Variants in FGD5 observed in about 807,000 individuals in gnomAD.
FGD5 encodes the protein FYVE, RhoGEF and PH domain-containing protein 5.
A neutral mutation model predicts 133.4 loss-of-function variants in FGD5; 28 were observed. That is an observed-to-expected ratio of 0.21 (90% CI 0.16 to 0.29). FGD5 has a LOEUF of 0.29. FGD5 is among the 10% of genes least tolerant of loss of function. FGD5 has a pLI of 1.00. For synonymous variants in FGD5, 810 were observed against 776.5 expected (o/e 1.04, Z -0.72); for missense variants, 1,858 against 1,895.2 (o/e 0.98, Z 0.36).
intron 1 of FGD5, among the ~76,000 whole-genome samples, chr3:14,854,746 A>G (rs1333414228): frequency 1.3e-5 from 2 of 152,166 alleles, no homozygotes; most frequent in Non-Finnish European, 2.9e-5. Context: ...ATTGACAAAT[A>G]ATAATTGTAC....
At chr3:14,912,219 G>A (rs1315352345) in intron 11 of FGD5, among the ~76,000 whole-genome samples, 2 of 152,228 alleles carry the variant, frequency 1.3e-5, no homozygotes, top group African/African-American at 4.8e-5. Flanking sequence ...GGGCAGAAGT[G>A]TGGAGCCTGC....
At chr3:14,924,920 T>G (rs1170617417) in intron 17 of FGD5, among the ~76,000 whole-genome samples, 1 of 151,778 alleles carries the variant, frequency 6.6e-6, no homozygotes, top group Non-Finnish European at 1.5e-5. Context: ...GCTAACACAG[T>G]GAAACCCCAT....
At chr3:14,865,963 C>G (rs1006503825) in intron 2 of FGD5, among the ~76,000 whole-genome samples, 3 of 152,130 alleles carry the variant, frequency 2.0e-5, no homozygotes, top group African/African-American at 7.2e-5. Context: ...AATCTGGGAG[C>G]AGAAAGAGAT....
At chr3:14,907,554 CAG>C in intron 9 of FGD5, 84 bp from the exon 10 acceptor site, 1 of 1,266,792 alleles carries the variant, frequency 7.9e-7, no homozygotes, top group Non-Finnish European at 1.1e-6. Context: ...TTGTCTGAAA[CAG>C]AAGCAACGCC....
At chr3:14,881,461 A>C (rs1388939172) in intron 4 of FGD5, among the ~76,000 whole-genome samples, 1 of 152,200 alleles carries the variant, frequency 6.6e-6, no homozygotes, top group Non-Finnish European at 1.5e-5. Context: ...CTGTCTGGCC[A>C]GCAAAGGGGA....
chr3:14,848,225 G>T (rs2037088455), intron 1 of FGD5, among the ~76,000 whole-genome samples: 1 of 152,152 alleles, frequency 6.6e-6, no homozygotes, highest in Non-Finnish European at 1.5e-5. Flanking sequence ...TTTCGTTGTT[G>T]TGGGAGGCAA....
At chr3:14,906,407 C>G (rs2038342554) in intron 9 of FGD5, among the ~76,000 whole-genome samples, 1 of 152,186 alleles carries the variant, frequency 6.6e-6, no homozygotes, top group African/African-American at 2.4e-5. Flanking sequence ...CGCCCCCGTC[C>G]TAGGGTGCAG....
chr3:14,848,271 C>A (rs1687296), intron 1 of FGD5, among the ~76,000 whole-genome samples: 1 of 151,928 alleles, frequency 6.6e-6, no homozygotes, highest in Non-Finnish European at 1.5e-5. Context: ...CCCTTCCCCG[C>A]GCCTCTTCCC....
At chr3:14,821,684 C>G (rs537865102) in intron 1 of FGD5, 88 bp downstream of exon 1, 7 of 1,435,492 alleles carry the variant, frequency 4.9e-6, no homozygotes, top group Non-Finnish European at 6.4e-6. Context: ...GACTTGCTTT[C>G]CAGCCTCAGG....
chr3:14,871,475 A>G (rs2037605019), intron 2 of FGD5, among the ~76,000 whole-genome samples: 1 of 152,302 alleles, frequency 6.6e-6, no homozygotes, highest in East Asian at 1.9e-4. Flanking sequence ...TGGGAGTCCA[A>G]CCTGCATTTT....
chr3:14,853,456 C>T (rs764544373), intron 1 of FGD5, among the ~76,000 whole-genome samples: 8 of 151,766 alleles, frequency 5.3e-5, no homozygotes, highest in Non-Finnish European at 7.4e-5. Flanking sequence ...AGCTCAGCCC[C>T]GAAGCCCCCT....
chr3:14,826,140 G>T lies in FGD5; in HGVS notation c.2525+4544G>T, dbSNP rs369281008. On this transcript the variant is annotated intron_variant, in intron 1 of 19. Transcript: ENST00000285046. Reference sequence around the variant, plus strand: ...TGAGGCCACTTTTCCCCAACATTTTGTTATGAAAATGTTCAAAAAGTTAAG... The same window carrying T: ...TGAGGCCACTTTTCCCCAACATTTTTTTATGAAAATGTTCAAAAAGTTAAG... Among the ~76,000 whole-genome samples, 5 of 151,996 alleles carry T rather than the reference G, an allele frequency of 3.3e-5. No individual in the cohort carries two copies. In the East Asian group the frequency reaches 5.8e-4, roughly 18 times the overall value.
At chr3:14,888,377 C>G (rs2037964030) in intron 4 of FGD5, among the ~76,000 whole-genome samples, 1 of 152,174 alleles carries the variant, frequency 6.6e-6, no homozygotes, top group African/African-American at 2.4e-5. Context: ...CGTGAATAGT[C>G]TGACAATGCA....
chr3:14,839,168 GGCT>G (rs1244528467), intron 1 of FGD5, among the ~76,000 whole-genome samples: 1 of 152,244 alleles, frequency 6.6e-6, no homozygotes, highest in African/African-American at 2.4e-5. Context: ...GAAATGCACA[GGCT>G]TCTGGGGACA....
In FGD5 at chr3:14,874,873, G is replaced by A. The variant is rs183059622; in HGVS notation, c.2659-5699G>A. 1.8e-3 allele frequency among the ~76,000 whole-genome samples: 281 copies of A among 152,328 alleles called. 1 individual carries two copies. Among genetic ancestry groups the A allele is most frequent in the Middle Eastern group, 3.4e-3 (1 of 294 alleles). ...GAACTGGACTAGTCAGCATGATCTGGAAACTGACCAGCTGGTCCTGGGGAA... is the reference window on the plus strand; with the variant it reads ...GAACTGGACTAGTCAGCATGATCTGAAAACTGACCAGCTGGTCCTGGGGAA... On this transcript the variant is annotated intron_variant, in intron 2 of 19. Transcript: ENST00000285046.
chr3:14,909,852 G>A (rs978053098), intron 10 of FGD5, among the ~76,000 whole-genome samples: 1 of 148,406 alleles, frequency 6.7e-6, no homozygotes. Flanking sequence ...TGCAACCTCC[G>A]CCTCCTGGGT....
intron 1 of FGD5, among the ~76,000 whole-genome samples, chr3:14,848,260 G>GCCCTT (rs1191147784): frequency 1.3e-5 from 2 of 152,068 alleles, no homozygotes; most frequent in African/African-American, 4.8e-5. Context: ...GGGCAGCCCT[G>GCCCTT]CCCTTCCCCG....
At chr3:14,846,113 A>C (rs570111308) in intron 1 of FGD5, among the ~76,000 whole-genome samples, 1 of 152,300 alleles carries the variant, frequency 6.6e-6, no homozygotes, top group African/African-American at 2.4e-5. Flanking sequence ...ATTATCTCCC[A>C]AGTCATTAAC....
intron 1 of FGD5, among the ~76,000 whole-genome samples, chr3:14,813,580 T>A (rs1479348620): frequency 6.6e-6 from 1 of 152,204 alleles, no homozygotes; most frequent in Non-Finnish European, 1.5e-5. Flanking sequence ...AGATGGGATG[T>A]CAGAGGGTGT....
Sources: gnomAD v4.1 joint callset for allele counts (sites outside exome capture counted in the v4.1 genomes callset) on GRCh38, gnomAD v4.1.1 for gene constraint, MANE v1.5 for transcripts, NCBI Gene and HGNC (gene_info 2026-07-23, HGNC 2026-07-21) for gene names.